Variants in VPS13D observed in about 807,000 individuals in gnomAD.
VPS13D encodes intermembrane lipid transfer protein VPS13D.
A neutral mutation model predicts 461.9 loss-of-function variants in VPS13D; 187 were observed. The observed-to-expected ratio is 0.40, with a 90% CI of 0.36 to 0.46. The LOEUF is 0.46. VPS13D is among the 20% of genes least tolerant of loss of function. The pLI, the probability that VPS13D is intolerant of heterozygous loss-of-function variation, is 0.60. For missense variants in VPS13D, 4,711 were observed against 5,364.9 expected (o/e 0.88, Z 3.81); for synonymous variants, 1,951 against 1,986.3 (o/e 0.98, Z 0.47).
Position 12,299,966 on chromosome 1 carries a change from A to G in VPS13D, c.6216+582A>G, listed in dbSNP as rs1181575670. Among the ~76,000 whole-genome samples the G allele has an allele frequency of 1.3e-5, 2 of 149,710 alleles. No homozygotes were observed. The highest frequency in any genetic ancestry group is 3.0e-5 in the Non-Finnish European group (2 of 67,700). On this transcript the variant is annotated intron_variant, in intron 25 of 69. Coordinates refer to ENST00000620676, the MANE Select transcript of VPS13D (RefSeq NM_015378.4). This position sits in a 1 kb window ranked among gnomAD's most constrained non-coding sequence, Gnocchi z 4.2. ...ACATGTGCAGGTTTCTTAGATGGGT[A>G]TATTGCACCCAGATAGCATAGTACC... is the stretch of plus-strand genomic sequence containing the variant.
At chr1:12,322,008 C>T (rs1480201381) in intron 33 of VPS13D, 44 bp downstream of exon 33, 3 of 1,605,618 alleles carry the variant, frequency 1.9e-6, no homozygotes, top group Non-Finnish European at 2.5e-6. Flanking sequence ...TGCTCTCAAA[C>T]ACTGTCCTAT....
intron 60 of VPS13D, among the ~76,000 whole-genome samples, chr1:12,395,552 A>T (rs962616383): frequency 1.3e-5 from 2 of 152,152 alleles, no homozygotes; most frequent in African/African-American, 4.8e-5. Flanking sequence ...CAATCTTAGC[A>T]GATTTGAGGC....
intron 54 of VPS13D, among the ~76,000 whole-genome samples, chr1:12,370,184 C>T (rs2101627855): frequency 6.6e-6 from 1 of 152,226 alleles, no homozygotes; most frequent in South Asian, 2.1e-4. Context: ...ATAATCTTCA[C>T]TGTTGTTTGA....
intron 69 of VPS13D, among the ~76,000 whole-genome samples, chr1:12,508,231 G>C (rs1646138487): frequency 1.3e-5 from 2 of 152,166 alleles, no homozygotes; most frequent in African/African-American, 4.8e-5. Context: ...GGTGTTTGTG[G>C]TAAGAAAGAC....
chr1:12,368,599 G>A lies in VPS13D; in HGVS notation c.10572+8G>A. ...ATTGACAACTTTTCTAAGGTATCAAGTGGAGCTGAGAGCCAGTTTGACTGT... is the reference window on the plus strand; with the variant it reads ...ATTGACAACTTTTCTAAGGTATCAAATGGAGCTGAGAGCCAGTTTGACTGT... On this transcript the variant is annotated splice_region_variant and intron_variant, in intron 53 of 69. Coordinates refer to ENST00000620676, the MANE Select transcript of VPS13D (RefSeq NM_015378.4). 7 of 1,610,350 alleles carry A rather than the reference G, an allele frequency of 4.3e-6. No homozygotes were observed. The highest frequency in any genetic ancestry group is 1.7e-5 in the Admixed American group (1 of 59,592).
At chr1:12,285,674 A>G (rs949959255) in intron 21 of VPS13D, among the ~76,000 whole-genome samples, 7 of 152,210 alleles carry the variant, frequency 4.6e-5, no homozygotes, top group African/African-American at 1.7e-4. Context: ...CAATGGACAT[A>G]CCACAATGCA....
intron 69 of VPS13D, among the ~76,000 whole-genome samples, chr1:12,508,118 C>T (rs1231434713): frequency 1.3e-5 from 2 of 152,178 alleles, no homozygotes; most frequent in Non-Finnish European, 1.5e-5. Context: ...ATGAAGAGGG[C>T]GAGCACCTCA....
At chr1:12,235,752 A>G (rs1484934265) in intron 2 of VPS13D, among the ~76,000 whole-genome samples, 2 of 152,128 alleles carry the variant, frequency 1.3e-5, no homozygotes, top group Non-Finnish European at 1.5e-5. Flanking sequence ...GGAAAGTGCG[A>G]GTGAGCAGTC....
chr1:12,436,608 A>G (rs1645063986), intron 65 of VPS13D, among the ~76,000 whole-genome samples: 1 of 152,150 alleles, frequency 6.6e-6, no homozygotes, highest in Admixed American at 6.5e-5. Flanking sequence ...GTTATTTGTC[A>G]TGATTTGACC....
chr1:12,308,515 A>G lies in VPS13D; in HGVS notation c.6524A>G (p.Tyr2175Cys), dbSNP rs1642634958. 1 of 1,614,084 alleles carries G rather than the reference A, an allele frequency of 6.2e-7. No individual in the cohort carries two copies. The highest frequency in any genetic ancestry group is 1.1e-5 in the South Asian group (1 of 91,076). The change falls in exon 27 of 70, where the codon TAC (tyrosine) becomes TGC (cysteine). Residue 2175 changes from tyrosine to cysteine, a missense_variant. This residue lies in a region of VPS13D where 4,411 missense variants were observed against 4,937.8 expected (regional missense o/e 0.89). Coordinates refer to ENST00000620676, the MANE Select transcript of VPS13D (RefSeq NM_015378.4). ...IFAAERHPRE[Y>C]SKAPEDSSGD... ...GCTGCAGAGAGACATCCGAGAGAAT[A>G]CTCGAAGGCACCAGAGGATAGTAGT...
rs974465912 is a variant in VPS13D at position 12,425,224 on chromosome 1, A to G, written c.12333+8397A>G. Among the ~76,000 whole-genome samples the G allele has an allele frequency of 1.3e-5, 2 of 152,096 alleles. 1 individual carries two copies. The highest frequency in any genetic ancestry group is 1.3e-4 in the Admixed American group (2 of 15,266). On this transcript the variant is annotated intron_variant, in intron 65 of 69. Transcript: ENST00000620676. ...AAAAGCTGAATCAAAGTTTATTCTT[A>G]GGAGAAAGAGGGAATGTCTTGGTCA...
In VPS13D at chr1:12,234,247, CT is replaced by C. The variant is rs760831553; in HGVS notation, c.-16del. The C allele has an allele frequency of 1.3e-6, 2 of 1,562,274 alleles. No homozygotes were observed. The highest frequency in any genetic ancestry group is 1.1e-5 in the South Asian group (1 of 88,932). ...AGAATGATCCATGATTTCTAAACAC[CT>C]TTTCCTGAGGATATAGTCATGTTGG... On this transcript the variant is annotated 5_prime_UTR_variant, in exon 2 of 70. It introduces an in-frame stop codon into an upstream open reading frame of the 5' UTR. Coordinates refer to ENST00000620676, the MANE Select transcript of VPS13D (RefSeq NM_015378.4).
chr1:12,361,606 G>A (rs996390140), intron 50 of VPS13D, among the ~76,000 whole-genome samples: 6 of 150,648 alleles, frequency 4.0e-5, no homozygotes, highest in African/African-American at 7.3e-5. Context: ...CGTTTTAGCC[G>A]GGATGGTCTC....
At chr1:12,268,228 G>C (rs1156436998) in intron 15 of VPS13D, among the ~76,000 whole-genome samples, 1 of 146,782 alleles carries the variant, frequency 6.8e-6, no homozygotes, top group African/African-American at 2.5e-5. Context: ...GGGATTACAA[G>C]TGTGAGCCAC....
intron 60 of VPS13D, among the ~76,000 whole-genome samples, chr1:12,388,168 A>G (rs966582836): frequency 1.3e-5 from 2 of 152,244 alleles, no homozygotes; most frequent in African/African-American, 2.4e-5. Flanking sequence ...AATCTTATAC[A>G]TGATGTGGTA....
At chr1:12,333,400 C>T in intron 38 of VPS13D, 34 bp downstream of exon 38, 1 of 1,609,184 alleles carries the variant, frequency 6.2e-7, no homozygotes, top group Non-Finnish European at 8.5e-7. Context: ...AGACTGATAC[C>T]TTTCCGTACC....
intron 60 of VPS13D, among the ~76,000 whole-genome samples, chr1:12,395,040 C>G (rs1477308861): frequency 1.3e-5 from 2 of 152,188 alleles, no homozygotes; most frequent in Non-Finnish European, 2.9e-5. Context: ...GTGAGTCACA[C>G]TCTCAACCTC....
intron 1 of VPS13D, among the ~76,000 whole-genome samples, chr1:12,232,970 C>G (rs963031603): frequency 1.3e-5 from 2 of 151,616 alleles, no homozygotes; most frequent in Middle Eastern, 3.5e-3. Context: ...ATTCTCCCCC[C>G]ACCCCCAACT....
At position 12,258,016 on chromosome 1, in the gene VPS13D, T is replaced by C. The variant is rs1422155831; in HGVS notation, c.1023T>C (p.Phe341=). Residue 341 remains phenylalanine, a synonymous_variant, in exon 10 of 70, where the codon TTT becomes TTC. Coordinates refer to ENST00000620676, the MANE Select transcript of VPS13D (RefSeq NM_015378.4). ...AGAGGAAACGTTGCACCTGGGACTT[T>C]ATGTTGCACCGCGCTCGTGATGCTG... The part of the protein sequence containing the change: ...REQRKRCTWD[F]MLHRARDAVS... 1.2e-6 allele frequency: 2 copies of C among 1,614,090 alleles called. No homozygotes were observed. Among genetic ancestry groups the C allele is most frequent in the Non-Finnish European group, 1.7e-6 (2 of 1,180,046 alleles).
Sources: gnomAD v4.1 joint callset for allele counts (sites outside exome capture counted in the v4.1 genomes callset) on GRCh38, gnomAD v4.1.1 for gene constraint, gnomAD v4.1.1 regional missense constraint, Gnocchi (gnomAD v3.1) non-coding constraint, MANE v1.5 for transcripts, NCBI Gene and HGNC (gene_info 2026-07-23, HGNC 2026-07-21) for gene names.